ADAM18: variants seen among roughly 807,000 people sequenced by gnomAD.
The protein encoded by ADAM18 is disintegrin and metalloproteinase domain-containing protein 18.
A neutral mutation model predicts 94.4 loss-of-function variants in ADAM18; 117 were observed. The observed-to-expected ratio is 1.24, with a 90% CI of 1.07 to 1.45. The LOEUF is 1.45. Among genes scored for constraint, ADAM18 ranks in the 40% most tolerant of loss-of-function variants. The pLI is 0.00. For missense variants in ADAM18, 936 were observed against 880.0 expected (o/e 1.06, Z -0.81); for synonymous variants, 327 against 291.6 (o/e 1.12, Z -1.24).
intron 18 of ADAM18, among the ~76,000 whole-genome samples, chr8:39,708,911 G>A (rs1480538781): frequency 6.6e-6 from 1 of 152,232 alleles, no homozygotes. Flanking sequence ...CCCGCATCTG[G>A]AGAGGTTCCA....
intron 12 of ADAM18, among the ~76,000 whole-genome samples, chr8:39,660,216 A>T (rs2129579965): frequency 6.6e-6 from 1 of 152,252 alleles, no homozygotes; most frequent in East Asian, 1.9e-4. Flanking sequence ...ACCAAATAAC[A>T]ACTAAAAAAA....
intron 18 of ADAM18, among the ~76,000 whole-genome samples, chr8:39,707,686 T>C (rs1420757332): frequency 6.6e-6 from 1 of 152,138 alleles, no homozygotes; most frequent in East Asian, 1.9e-4. Flanking sequence ...TTTTGTCAAA[T>C]GTTGACATTT....
At chr8:39,676,078 C>T (rs578224593) in intron 14 of ADAM18, among the ~76,000 whole-genome samples, 2 of 152,330 alleles carry the variant, frequency 1.3e-5, no homozygotes, top group South Asian at 4.1e-4. Context: ...TGGGAGGTGT[C>T]TCCCAGTTAG....
At chr8:39,667,847 T>C in intron 13 of ADAM18, 151 bp from the exon 14 acceptor site, 1 of 706,254 alleles carries the variant, frequency 1.4e-6, no homozygotes, top group Non-Finnish European at 2.3e-6. Context: ...AATACTGTAT[T>C]TGATTTTTTT....
chr8:39,682,888 T>TA (rs1324511323), intron 16 of ADAM18, among the ~76,000 whole-genome samples: 3 of 152,208 alleles, frequency 2.0e-5, no homozygotes, highest in Admixed American at 6.5e-5. Context: ...ATGTGGTTTT[T>TA]ATGTGTAAAA....
intron 7 of ADAM18, among the ~76,000 whole-genome samples, chr8:39,632,367 T>A (rs1819953079): frequency 6.6e-6 from 1 of 152,064 alleles, no homozygotes; most frequent in African/African-American, 2.4e-5. Flanking sequence ...AGGTGATCTT[T>A]ATAATATTGG....
chr8:39,596,948 A>T (rs1025791335), intron 2 of ADAM18, among the ~76,000 whole-genome samples: 2 of 152,180 alleles, frequency 1.3e-5, no homozygotes, highest in African/African-American at 2.4e-5. Context: ...GAGCAGTATT[A>T]GGTTCAGAGA....
At chr8:39,586,612 A>T (rs1460798217) in intron 2 of ADAM18, among the ~76,000 whole-genome samples, 1 of 152,140 alleles carries the variant, frequency 6.6e-6, no homozygotes, top group Non-Finnish European at 1.5e-5. Flanking sequence ...CTGTAGTCCC[A>T]GCTGTTCTGG....
chr8:39,586,185 A>G (rs972968506), intron 2 of ADAM18, among the ~76,000 whole-genome samples: 1 of 152,228 alleles, frequency 6.6e-6, no homozygotes, highest in Admixed American at 6.5e-5. Context: ...CAATTATAAT[A>G]AAGTATATGT....
At chr8:39,634,439 T>C (rs1029269959) in intron 7 of ADAM18, among the ~76,000 whole-genome samples, 2 of 152,294 alleles carry the variant, frequency 1.3e-5, no homozygotes, top group Admixed American at 6.5e-5. Flanking sequence ...GCATTTTCGA[T>C]GTGTGAGAGC....
chr8:39,644,257 C>T (rs191713964), intron 10 of ADAM18, among the ~76,000 whole-genome samples: 1 of 152,088 alleles, frequency 6.6e-6, no homozygotes, highest in Non-Finnish European at 1.5e-5. Context: ...TGTTAGCAAG[C>T]ATTTTTTAAT....
intron 17 of ADAM18, among the ~76,000 whole-genome samples, chr8:39,695,248 C>A (rs1174766619): frequency 6.6e-6 from 1 of 151,470 alleles, no homozygotes; most frequent in Non-Finnish European, 1.5e-5. Context: ...TGGGTAAATA[C>A]CAAGGAGCAC....
chr8:39,663,749 T>C, intron 12 of ADAM18, 46 bp from the exon 13 acceptor site: 1 of 1,291,926 alleles, frequency 7.7e-7, no homozygotes, highest in Non-Finnish European at 1.1e-6. Flanking sequence ...AACAAGAGCT[T>C]TTAAGTGGTT....
intron 18 of ADAM18, 124 bp downstream of exon 18, chr8:39,707,028 G>A (rs1355779262): frequency 1.7e-6 from 1 of 583,086 alleles, no homozygotes; most frequent in East Asian, 2.8e-5. Context: ...CTTATTTGTG[G>A]GGGATACATT....
chr8:39,591,422 CT>C (rs746718452), intron 2 of ADAM18, among the ~76,000 whole-genome samples: 2 of 152,242 alleles, frequency 1.3e-5, no homozygotes, highest in East Asian at 3.9e-4. Context: ...TTTGTAAACT[CT>C]TTTTTTGTAA....
At position 39,637,347 on chromosome 8, in the gene ADAM18, C is replaced by T. The variant is rs777168528; in HGVS notation, c.660+12C>T. On this transcript the variant is annotated intron_variant, in intron 8 of 19. Coordinates refer to ENST00000265707, the MANE Select transcript of ADAM18 (RefSeq NM_014237.3). Reference sequence around the variant, plus strand: ...GGCTTGTCAACACTGTAAGTTTTTACTTTTTCACATTTCCATTTTCATGAA... The same window carrying T: ...GGCTTGTCAACACTGTAAGTTTTTATTTTTTCACATTTCCATTTTCATGAA... 1 of 1,585,758 alleles carries T rather than the reference C, an allele frequency of 6.3e-7. No individual in the cohort carries two copies. Among genetic ancestry groups the T allele is most frequent in the Non-Finnish European group, 8.6e-7 (1 of 1,167,950 alleles).
chr8:39,692,060 TC>T, intron 16 of ADAM18, among the ~76,000 whole-genome samples: 1 of 151,978 alleles, frequency 6.6e-6, no homozygotes, highest in East Asian at 1.9e-4. Flanking sequence ...ACACCACATA[TC>T]TGGGTGATTA....
intron 17 of ADAM18, among the ~76,000 whole-genome samples, chr8:39,699,348 CTT>C (rs1435542642): frequency 1.3e-5 from 2 of 151,940 alleles, no homozygotes; most frequent in Non-Finnish European, 2.9e-5. Context: ...GGAAGAAAGA[CTT>C]TAATTTTATT....
intron 12 of ADAM18, among the ~76,000 whole-genome samples, chr8:39,648,851 C>T (rs943312453): frequency 1.2e-4 from 18 of 152,118 alleles, no homozygotes; most frequent in Non-Finnish European, 2.6e-4. Context: ...TCTATTTTCT[C>T]TACAAACTTT....
Sources: gnomAD v4.1 joint callset for allele counts (sites outside exome capture counted in the v4.1 genomes callset) on GRCh38, gnomAD v4.1.1 for gene constraint, MANE v1.5 for transcripts, NCBI Gene and HGNC (gene_info 2026-07-23, HGNC 2026-07-21) for gene names.